The following PAX3 variants were observed in gnomAD, a reference collection of about 807,000 sequenced individuals.
PAX3 encodes paired box protein Pax-3.
In PAX3, 14 loss-of-function variants were observed where a neutral mutation model predicts 51.6. The observed-to-expected ratio is 0.27, with a 90% CI of 0.18 to 0.42. The LOEUF is 0.42. Among genes scored for constraint, PAX3 ranks in the 10% least tolerant of loss-of-function variants. PAX3 has a pLI of 1.00. For synonymous variants in PAX3, 280 were observed against 253.4 expected, an observed-to-expected ratio of 1.11 and a Z score of -1.00; for missense variants, 540 against 642.8, an observed-to-expected ratio of 0.84 and a Z score of 1.73.
At chr2:222,209,747 C>CTGGGCA (rs1553570691) in intron 7 of PAX3, among the ~76,000 whole-genome samples, 1 of 121,642 alleles carries the variant, frequency 8.2e-6, no homozygotes. Flanking sequence ...AAAAAATTAG[C>CTGGGCA]TGGGCATGGT....
intron 7 of PAX3, among the ~76,000 whole-genome samples, chr2:222,210,272 A>T (rs951171832): frequency 6.6e-6 from 1 of 152,178 alleles, no homozygotes; most frequent in East Asian, 1.9e-4. Flanking sequence ...TCAATTGATA[A>T]ACTCAAAATC....
At chr2:222,205,847 G>A (rs756805670) in intron 7 of PAX3, among the ~76,000 whole-genome samples, 10 of 152,064 alleles carry the variant, frequency 6.6e-5, no homozygotes, top group Non-Finnish European at 1.3e-4. Context: ...AAGCTATTTT[G>A]CGTTTCATGT....
At chr2:222,261,679 A>G (rs1693867647) in intron 4 of PAX3, among the ~76,000 whole-genome samples, 2 of 152,110 alleles carry the variant, frequency 1.3e-5, no homozygotes, top group South Asian at 4.1e-4. Flanking sequence ...CTGATATTGC[A>G]GTTTTTAATG....
chr2:222,270,349 T>A (rs781338455), intron 4 of PAX3, among the ~76,000 whole-genome samples: 6 of 152,192 alleles, frequency 3.9e-5, no homozygotes, highest in Non-Finnish European at 7.3e-5. Flanking sequence ...CTCCCCTCAC[T>A]GGATGCTTTG....
intron 4 of PAX3, among the ~76,000 whole-genome samples, chr2:222,243,250 T>G (rs1693088489): frequency 6.6e-6 from 1 of 152,202 alleles, no homozygotes; most frequent in Non-Finnish European, 1.5e-5. Flanking sequence ...AGTAGAGAAT[T>G]GAAAATGCCA....
chr2:222,254,762 A>C (rs1693573340), intron 4 of PAX3, among the ~76,000 whole-genome samples: 3 of 152,152 alleles, frequency 2.0e-5, no homozygotes. Context: ...TTTAAGGCTC[A>C]CTATTAAGCT....
At chr2:222,280,237 G>GAGAA (rs908363719) in intron 4 of PAX3, among the ~76,000 whole-genome samples, 4 of 139,670 alleles carry the variant, frequency 2.9e-5, no homozygotes, top group African/African-American at 1.1e-4. Context: ...GAGAGAGAGG[G>GAGAA]AGAAAGAAAG....
rs886055677 is a variant in PAX3 at position 222,298,863 on chromosome 2, T to G, written c.-248A>C. ...GATCCCGAGCCCAGGGCGGAAAAGT[T>G]TGGTACGAGTCTGGGCAAATGTTCC... On this transcript the variant is annotated 5_prime_UTR_variant, in exon 1 of 9. Coordinates refer to ENST00000392070, the MANE Select transcript of PAX3 (RefSeq NM_181458.4). 3.4e-6 allele frequency: 2 copies of G among 582,838 alleles called. No individual in the cohort carries two copies. The highest frequency in any genetic ancestry group is 5.7e-5 in the East Asian group (2 of 35,226). The allele number at this position is 582,838 out of a possible 1,614,324, so 36.1% of individuals were successfully genotyped here. A position where few individuals can be genotyped will look rare whatever the true frequency, so the allele number is the denominator to read the frequency against.
At chr2:222,293,820 A>C in intron 4 of PAX3, 1 of 1,613,842 alleles carries the variant, frequency 6.2e-7, no homozygotes, top group Non-Finnish European at 8.5e-7. Context: ...CCGGCCCTAC[A>C]ATTGCTCAGA....
At chr2:222,280,918 G>A (rs73063748) in intron 4 of PAX3, among the ~76,000 whole-genome samples, 15,419 of 152,196 alleles carry the variant, frequency 0.1, 826 homozygotes, top group South Asian at 0.15. Context: ...TCTTCCATTC[G>A]ACTTCTGCTC....
intron 4 of PAX3, among the ~76,000 whole-genome samples, chr2:222,241,546 A>G (rs565087972): frequency 1.3e-5 from 2 of 152,354 alleles, no homozygotes; most frequent in Admixed American, 1.3e-4. Flanking sequence ...ATCTGTGCTT[A>G]ACATTTTGTT....
chr2:222,244,604 A>G (rs915390845), intron 4 of PAX3, among the ~76,000 whole-genome samples: 2 of 152,134 alleles, frequency 1.3e-5, no homozygotes, highest in Non-Finnish European at 2.9e-5. Flanking sequence ...AGACTGAGAG[A>G]GAAAAATCAC....
chr2:222,276,787 C>T (rs1394461760), intron 4 of PAX3, among the ~76,000 whole-genome samples: 1 of 152,248 alleles, frequency 6.6e-6, no homozygotes, highest in Admixed American at 6.5e-5. Flanking sequence ...TGCCCTTATG[C>T]AGTGAGTGGA....
intron 4 of PAX3, among the ~76,000 whole-genome samples, chr2:222,271,806 T>A (rs1447815293): frequency 6.6e-6 from 1 of 152,234 alleles, no homozygotes; most frequent in Non-Finnish European, 1.5e-5. Flanking sequence ...TCCTCCTAGC[T>A]ACCTTCCCAT....
chr2:222,235,016 A>G (rs539206656), intron 4 of PAX3, among the ~76,000 whole-genome samples: 3 of 152,268 alleles, frequency 2.0e-5, no homozygotes, highest in African/African-American at 7.2e-5. Context: ...TTCTCTTACT[A>G]TGATCCCATT....
At chr2:222,252,093 A>G (rs955510051) in intron 4 of PAX3, among the ~76,000 whole-genome samples, 1 of 152,222 alleles carries the variant, frequency 6.6e-6, no homozygotes, top group Non-Finnish European at 1.5e-5. Flanking sequence ...AAAGAAGAGT[A>G]ACATTGACAC....
At chr2:222,281,061 G>A (rs1290351612) in intron 4 of PAX3, among the ~76,000 whole-genome samples, 1 of 152,164 alleles carries the variant, frequency 6.6e-6, no homozygotes, top group Non-Finnish European at 1.5e-5. Context: ...GTACACACGT[G>A]CCCCAGATGT....
At chr2:222,296,950 G>T (rs1193529434) in intron 2 of PAX3, 28 bp downstream of exon 2, 4 of 1,574,622 alleles carry the variant, frequency 2.5e-6, no homozygotes, top group East Asian at 4.6e-5. Context: ...CAGTCTGGGA[G>T]CCAGGAGGGC....
intron 1 of PAX3, 160 bp downstream of exon 1, chr2:222,298,371 C>A (rs1559321937): frequency 1.6e-6 from 1 of 632,066 alleles, no homozygotes. Flanking sequence ...GAAAGGAAAT[C>A]GAGTAGGTCC....
Sources: allele counts gnomAD v4.1 joint callset (sites outside exome capture counted in the v4.1 genomes callset), GRCh38; gene constraint gnomAD v4.1.1; transcripts MANE v1.5; gene names NCBI Gene and HGNC (gene_info 2026-07-23, HGNC 2026-07-21).